The following ATP2B2 variants were observed in gnomAD, a reference collection of about 807,000 sequenced individuals.
ATP2B2 encodes plasma membrane calcium-transporting ATPase 2.
In ATP2B2, 15 loss-of-function variants were observed where a neutral mutation model predicts 120.0. That is an observed-to-expected ratio of 0.12 (90% CI 0.08 to 0.19). The LOEUF is 0.19. Ranked by LOEUF, ATP2B2 falls within the 10% of genes least tolerant of loss-of-function variation. The pLI is 1.00. For missense variants in ATP2B2, 1,045 were observed against 1,719.8 expected (o/e 0.61, Z 6.94); for synonymous variants, 694 against 700.3 (o/e 0.99, Z 0.14).
intron 5 of ATP2B2, among the ~76,000 whole-genome samples, chr3:10,390,450 T>C (rs1280018194): frequency 1.3e-5 from 2 of 151,630 alleles, no homozygotes; most frequent in Non-Finnish European, 2.9e-5. Context: ...CTGAGTGATA[T>C]CCCGATGTTG....
At chr3:10,544,048 A>G (rs1260440916) in intron 2 of ATP2B2, among the ~76,000 whole-genome samples, 1 of 152,090 alleles carries the variant, frequency 6.6e-6, no homozygotes, top group East Asian at 1.9e-4. Flanking sequence ...CCTGTTCTTC[A>G]TAATTTTTAA....
intron 2 of ATP2B2, among the ~76,000 whole-genome samples, chr3:10,539,806 G>A (rs1323763886): frequency 6.6e-6 from 1 of 152,184 alleles, no homozygotes; most frequent in East Asian, 1.9e-4. Flanking sequence ...ACACAGGCAT[G>A]GGCAAGGACT....
At chr3:10,519,511 G>A (rs1242447664) in intron 3 of ATP2B2, among the ~76,000 whole-genome samples, 3 of 152,188 alleles carry the variant, frequency 2.0e-5, no homozygotes, top group Non-Finnish European at 4.4e-5. Flanking sequence ...GGGCAGGCTG[G>A]CATCTGATGG....
chr3:10,567,558 C>A (rs1056736872), intron 2 of ATP2B2, among the ~76,000 whole-genome samples: 3 of 152,152 alleles, frequency 2.0e-5, no homozygotes, highest in Admixed American at 6.5e-5. Context: ...TCAGTTTCCT[C>A]TTCTGAAAAA....
At chr3:10,626,622 T>G (rs550392500) in intron 1 of ATP2B2, 1 of 151,838 alleles carries the variant, frequency 6.6e-6, no homozygotes, top group African/African-American at 2.4e-5. Context: ...GATGGATGGA[T>G]GGACTGGTGG....
intron 2 of ATP2B2, among the ~76,000 whole-genome samples, chr3:10,444,995 G>A (rs533255288): frequency 5.2e-4 from 79 of 152,214 alleles, no homozygotes; most frequent in Non-Finnish European, 9.8e-4. Flanking sequence ...TAGGCCTCCC[G>A]GACCACCTGG....
chr3:10,576,891 C>T (rs907283319), intron 2 of ATP2B2, among the ~76,000 whole-genome samples: 10 of 151,890 alleles, frequency 6.6e-5, no homozygotes, highest in East Asian at 1.9e-4. Flanking sequence ...GGTGAAACCC[C>T]GTCTCTACTA....
At chr3:10,388,132 GC>G (rs2061735868) in intron 6 of ATP2B2, 144 bp downstream of exon 6, 1 of 1,201,332 alleles carries the variant, frequency 8.3e-7, no homozygotes, top group South Asian at 1.2e-5. Flanking sequence ...GCCCATGCAG[GC>G]CTTAAGGATG....
chr3:10,645,011 A>C (rs529188991), intron 1 of ATP2B2, among the ~76,000 whole-genome samples: 116 of 152,318 alleles, frequency 7.6e-4, no homozygotes, highest in African/African-American at 2.7e-3. Flanking sequence ...GTAATATACC[A>C]TGAAGGATTT....
At chr3:10,582,336 T>A (rs2068410369) in intron 2 of ATP2B2, among the ~76,000 whole-genome samples, 1 of 152,254 alleles carries the variant, frequency 6.6e-6, no homozygotes, top group African/African-American at 2.4e-5. Flanking sequence ...TTCTGTCTGG[T>A]TCTCTCTGGA....
intron 3 of ATP2B2, among the ~76,000 whole-genome samples, chr3:10,527,418 G>C (rs1023993666): frequency 1.3e-5 from 2 of 152,176 alleles, no homozygotes; most frequent in Non-Finnish European, 2.9e-5. Context: ...TTTGAACCTG[G>C]GTCTTCTGGC....
In ATP2B2 at chr3:10,410,691, G is replaced by A. The variant is rs906620025; in HGVS notation, c.324C>T (p.Leu108=). 6.2e-6 allele frequency: 10 copies of A among 1,614,216 alleles called. No individual in the cohort carries two copies. Among genetic ancestry groups the A allele is most frequent in the Non-Finnish European group, 8.5e-6 (10 of 1,180,020 alleles). Reference sequence around the variant, plus strand: ...TGATGGCGGCAATCTCCAGGATGATGAGCGTCACGTCCTGCAGCGCCTCCC... The same window carrying A: ...TGATGGCGGCAATCTCCAGGATGATAAGCGTCACGTCCTGCAGCGCCTCCC... The part of the protein sequence containing the change: ...LVWEALQDVT[L]IILEIAAIIS... The change falls in exon 3 of 23, where the codon CTC becomes CTT. Residue 108 remains leucine (L), a synonymous_variant. Transcript: ENST00000360273.
Position 10,482,720 on chromosome 3 carries a change from G to A in ATP2B2, c.-320+22745C>T, listed in dbSNP as rs181058048. On this transcript the variant is annotated intron_variant, in intron 1 of 22. Transcript: ENST00000360273. ...GCCTTCTCAGCTGGGCCCCACCTGA[G>A]CCTTCTGACTGAGAGTGAGGAAGTC... 2.5e-4 allele frequency among the ~76,000 whole-genome samples: 38 copies of A among 152,344 alleles called. No individual in the cohort carries two copies. The East Asian group carries it at 6.8e-3, about 27-fold the overall frequency.
chr3:10,400,796 G>A (rs2062192994), intron 5 of ATP2B2, among the ~76,000 whole-genome samples, 157 bp downstream of exon 5: 1 of 152,226 alleles, frequency 6.6e-6, no homozygotes, highest in Admixed American at 6.5e-5. Flanking sequence ...GTGTTTGTGA[G>A]AGAAAAGGAA....
chr3:10,419,305 T>C (rs557943813), intron 2 of ATP2B2, among the ~76,000 whole-genome samples: 89 of 152,362 alleles, frequency 5.8e-4, no homozygotes, highest in Non-Finnish European at 1.1e-3. Flanking sequence ...AAGCCCTGTC[T>C]CTGGCATCCC....
At chr3:10,360,156 G>T in intron 12 of ATP2B2, 33 bp from the exon 13 acceptor site, 2 of 1,555,204 alleles carry the variant, frequency 1.3e-6, no homozygotes, top group Non-Finnish European at 1.7e-6. Context: ...CTGGCACCTG[G>T]TGGGGCCTGT....
chr3:10,331,354 A>G (rs1362913663), intron 22 of ATP2B2, among the ~76,000 whole-genome samples: 2 of 152,248 alleles, frequency 1.3e-5, no homozygotes, highest in Admixed American at 1.3e-4. Flanking sequence ...TCAAGGCTGT[A>G]GCTGCCTAGC....
intron 1 of ATP2B2, among the ~76,000 whole-genome samples, chr3:10,468,167 C>T (rs2064831235): frequency 3.9e-5 from 6 of 152,210 alleles, no homozygotes; most frequent in Admixed American, 3.9e-4. Context: ...TCCTCTCTGC[C>T]CAGTGTCCAT....
intron 3 of ATP2B2, among the ~76,000 whole-genome samples, chr3:10,514,603 G>A (rs2066839952): frequency 6.6e-6 from 1 of 152,162 alleles, no homozygotes; most frequent in African/African-American, 2.4e-5. Flanking sequence ...GGTCACCACC[G>A]GCCTTGAGCA....
Sources: allele counts gnomAD v4.1 joint callset (sites outside exome capture counted in the v4.1 genomes callset), GRCh38; gene constraint gnomAD v4.1.1; transcripts MANE v1.5; gene names NCBI Gene and HGNC (gene_info 2026-07-23, HGNC 2026-07-21).